The following KIAA0753 variants were observed in gnomAD, a reference collection of about 807,000 sequenced individuals.
The protein encoded by KIAA0753 is KIAA0753, also known as protein moonraker.
KIAA0753 carries 114 observed loss-of-function variants against 116.9 expected under a neutral mutation model. The ratio of observed to expected loss-of-function variants is 0.98; its 90% CI spans 0.84 to 1.14. KIAA0753 has a LOEUF of 1.14. KIAA0753 is among the 50% of genes most tolerant of loss of function. KIAA0753 has a pLI of 0.00. For synonymous variants in KIAA0753, 405 were observed against 413.1 expected (o/e 0.98, Z 0.24); for missense variants, 1,156 against 1,172.4 (o/e 0.99, Z 0.20).
At chr17:6,592,884 T>A (rs548564881) in intron 16 of KIAA0753, among the ~76,000 whole-genome samples, 3 of 152,026 alleles carry the variant, frequency 2.0e-5, no homozygotes, top group Non-Finnish European at 4.4e-5. Context: ...CCATTTTTTT[T>A]CCATGGGAAA....
In KIAA0753 at chr17:6,607,202, A is replaced by T; in HGVS notation, c.1898T>A (p.Ile633Asn). 1 of 1,614,074 alleles carries T rather than the reference A, an allele frequency of 6.2e-7. No individual in the cohort carries two copies. Among genetic ancestry groups the T allele is most frequent in the Non-Finnish European group, 8.5e-7 (1 of 1,179,984 alleles). ...TTACCTCTGTTTTTGCATGCTGTCAATTTCCTTGGCTTTTAACTCTTCTAG... is the reference window on the plus strand; with the variant it reads ...TTACCTCTGTTTTTGCATGCTGTCATTTTCCTTGGCTTTTAACTCTTCTAG... ...KELEELKAKEIDSMQKQRLDW... is the reference protein window; with the variant it reads ...KELEELKAKENDSMQKQRLDW... The change falls in exon 11 of 19, where the codon ATT becomes AAT. Residue 633 changes from isoleucine to asparagine, a missense_variant. Physicochemically the swap from Ile to Asn is moderately radical, Grantham distance 149. Transcript: ENST00000361413.
At chr17:6,581,759 C>T (rs946792075) in intron 18 of KIAA0753, among the ~76,000 whole-genome samples, 13 of 152,112 alleles carry the variant, frequency 8.5e-5, no homozygotes, top group South Asian at 2.1e-4. Flanking sequence ...TTACATATTT[C>T]GATGCTTGAA....
intron 3 of KIAA0753, among the ~76,000 whole-genome samples, chr17:6,625,536 G>A (rs1971609695): frequency 6.6e-6 from 1 of 151,744 alleles, no homozygotes; most frequent in South Asian, 2.1e-4. Flanking sequence ...GCGTGGTGGT[G>A]TGCACCTGTA....
chr17:6,607,065 A>G (rs1243264430), intron 11 of KIAA0753, 103 bp from the exon 12 acceptor site: 1 of 1,393,374 alleles, frequency 7.2e-7, no homozygotes, highest in Non-Finnish European at 1.0e-6. Flanking sequence ...AAGTGACTTC[A>G]GTCTTTTAAG....
intron 16 of KIAA0753, among the ~76,000 whole-genome samples, chr17:6,591,625 A>G (rs897134019): frequency 1.3e-5 from 2 of 152,158 alleles, no homozygotes; most frequent in African/African-American, 4.8e-5. Flanking sequence ...GCATACCTAG[A>G]CTCTCGGCAG....
rs542197667 is a variant in KIAA0753, at chr17:6,579,472, G to A, written c.*275C>T. On this transcript the variant is annotated 3_prime_UTR_variant, in exon 19 of 19. Transcript: ENST00000361413. ...AGGAATGAACATGGTATTTCAATAG[G>A]AAAAGTACACATTCTGAAAATATTG... The A allele has an allele frequency of 2.9e-6, 1 of 341,528 alleles. No individual in the cohort carries two copies. The highest frequency in any genetic ancestry group is 4.2e-5 in the Admixed American group (1 of 23,622). The allele number at this position is 341,528 out of a possible 1,614,324, so 21.2% of individuals were successfully genotyped here. A position where few individuals can be genotyped will look rare whatever the true frequency, so the allele number is the denominator to read the frequency against.
chr17:6,584,238 C>G (rs1467667092), intron 18 of KIAA0753, among the ~76,000 whole-genome samples: 1 of 152,324 alleles, frequency 6.6e-6, no homozygotes, highest in South Asian at 2.1e-4. Flanking sequence ...CAGTGCTCAA[C>G]AAAGGGCTAA....
chr17:6,607,899 G>A (rs1408035926), intron 10 of KIAA0753, among the ~76,000 whole-genome samples: 2 of 152,142 alleles, frequency 1.3e-5, no homozygotes, highest in African/African-American at 4.8e-5. Flanking sequence ...ATGAAGCCTA[G>A]ACCTCTGCAG....
intron 12 of KIAA0753, among the ~76,000 whole-genome samples, chr17:6,603,881 G>A (rs148355975): frequency 2.6e-5 from 4 of 152,266 alleles, no homozygotes; most frequent in Non-Finnish European, 4.4e-5. Flanking sequence ...AAAACCCATG[G>A]CCACATGCCA....
rs867943185 is a variant in KIAA0753 at position 6,596,342 on chromosome 17, A to T, written c.2174T>A (p.Val725Asp). Residue 725 changes from valine to aspartate, a missense_variant and splice_region_variant, in exon 15 of 19, where the codon GTT (valine) becomes GAT (aspartate). Coordinates refer to ENST00000361413, the MANE Select transcript of KIAA0753 (RefSeq NM_014804.3). ...GTTGGATTCAAAATCAACAGCTGCA[A>T]CCTACAAGATGGGGTGGGGTGGGGA... Reference protein sequence around the residue: ...NTAKAQPAQEVAAVDFESNNI... With the variant: ...NTAKAQPAQEDAAVDFESNNI... 1 of 1,480,628 alleles carries T rather than the reference A, an allele frequency of 6.8e-7. No homozygotes were observed. Among genetic ancestry groups the T allele is most frequent in the Non-Finnish European group, 9.1e-7 (1 of 1,096,776 alleles). 91.7% of individuals were successfully genotyped at this position (1,480,628 alleles called of 1,614,324 possible). A position where few individuals can be genotyped will look rare whatever the true frequency, so the allele number is the denominator to read the frequency against.
In KIAA0753 at chr17:6,623,438, C is replaced by T. The variant is rs530547276; in HGVS notation, c.888+71G>A. ...AATAACATTAGTGCAGAGGGCCCTA[C>T]ACAATACTAACAAAACACTGGGAAA... On this transcript the variant is annotated intron_variant, in intron 5 of 18. Coordinates refer to ENST00000361413, the MANE Select transcript of KIAA0753 (RefSeq NM_014804.3). 7.6e-5 allele frequency: 100 copies of T among 1,307,548 alleles called. 2 individuals carry two copies. Among genetic ancestry groups the T allele is most frequent in the South Asian group, 4.4e-4 (35 of 78,836 alleles). The allele number at this position is 1,307,548 out of a possible 1,614,324, so 81.0% of individuals were successfully genotyped here. A position where few individuals can be genotyped will look rare whatever the true frequency, so the allele number is the denominator to read the frequency against.
intron 8 of KIAA0753, among the ~76,000 whole-genome samples, chr17:6,610,728 C>T (rs1359832522): frequency 6.6e-6 from 1 of 151,944 alleles, no homozygotes; most frequent in African/African-American, 2.4e-5. Flanking sequence ...CTGTGTTGTC[C>T]AGGCTGGTCT....
intron 13 of KIAA0753, among the ~76,000 whole-genome samples, chr17:6,599,975 T>A (rs988135795): frequency 6.6e-6 from 1 of 152,160 alleles, no homozygotes. Flanking sequence ...AAGAAAGTAC[T>A]GGATTGTGCA....
At chr17:6,632,606 T>C (rs1366291432) in intron 2 of KIAA0753, among the ~76,000 whole-genome samples, 1 of 152,118 alleles carries the variant, frequency 6.6e-6, no homozygotes, top group East Asian at 1.9e-4. Flanking sequence ...AGACAAATAA[T>C]TACAAAAAGC....
chr17:6,606,042 A>G (rs985835032), intron 12 of KIAA0753, among the ~76,000 whole-genome samples: 1 of 152,170 alleles, frequency 6.6e-6, no homozygotes, highest in African/African-American at 2.4e-5. Context: ...ATTCCCTCTG[A>G]CAGTAGTGAC....
chr17:6,608,492 G>C, intron 9 of KIAA0753, 28 bp from the exon 10 acceptor site: 1 of 1,309,456 alleles, frequency 7.6e-7, no homozygotes, highest in Non-Finnish European at 1.1e-6. Context: ...GCATACCTTT[G>C]TCATCATTCA....
Position 6,610,178 on chromosome 17 carries a change from G to C in KIAA0753, c.1546-18C>G. On this transcript the variant is annotated intron_variant, in intron 8 of 18. Transcript: ENST00000361413. ...CGGAGTCCCTGTGAGAGATAAGTAA[G>C]AATTATAAGGCCACACAAATACCAA... 6.2e-7 allele frequency: 1 copy of C among 1,613,266 alleles called. No homozygotes were observed. The highest frequency in any genetic ancestry group is 8.5e-7 in the Non-Finnish European group (1 of 1,179,406).
chr17:6,623,282 C>T (rs930716260), intron 5 of KIAA0753, among the ~76,000 whole-genome samples, 185 bp from the exon 6 acceptor site: 8 of 152,162 alleles, frequency 5.3e-5, no homozygotes, highest in Admixed American at 5.2e-4. Context: ...TTCCTTACTA[C>T]TTCCAATTTT....
chr17:6,622,880 A>T lies in KIAA0753; in HGVS notation c.1104+2T>A. 2 of 1,608,790 alleles carry T rather than the reference A, an allele frequency of 1.2e-6. No homozygotes were observed. The highest frequency in any genetic ancestry group is 3.3e-5 in the Admixed American group (2 of 59,992). On this transcript the variant is annotated splice_donor_variant, in intron 6 of 18. Coordinates refer to ENST00000361413, the MANE Select transcript of KIAA0753 (RefSeq NM_014804.3). LOFTEE classifies it high-confidence loss of function. ...TAACAAAAATTGGAATTAATTCCATACCTCAATTTGTTGCAGAATATCTAT... is the reference window on the plus strand; with the variant it reads ...TAACAAAAATTGGAATTAATTCCATTCCTCAATTTGTTGCAGAATATCTAT...
Sources: allele counts gnomAD v4.1 joint callset (sites outside exome capture counted in the v4.1 genomes callset), GRCh38; gene constraint gnomAD v4.1.1; transcripts MANE v1.5; gene names NCBI Gene and HGNC (gene_info 2026-07-23, HGNC 2026-07-21).